Variants in CDON observed in about 807,000 individuals in gnomAD.
CDON encodes cell adhesion associated, oncogene regulated, also known as cell adhesion molecule-related/down-regulated by oncogenes.
A neutral mutation model predicts 120.9 loss-of-function variants in CDON; 73 were observed. That is an observed-to-expected ratio of 0.60 (90% CI 0.50 to 0.73). The LOEUF is 0.73. Among genes scored for constraint, CDON ranks in the 30% least tolerant of loss-of-function variants. The pLI, the probability that CDON is intolerant of heterozygous loss-of-function variation, is 0.00. For missense variants in CDON, 1,470 were observed against 1,587.3 expected (o/e 0.93, Z 1.26); for synonymous variants, 566 against 573.5 (o/e 0.99, Z 0.19).
chr11:125,981,970 C>CTTTTT (rs61446837), intron 16 of CDON, among the ~76,000 whole-genome samples: 2,367 of 54,272 alleles, frequency 0.044, 541 homozygotes, highest in East Asian at 0.063. Context: ...ATTCTATTTT[C>CTTTTT]TTTTTTTTTT....
chr11:126,049,262 T>C (rs925197061), intron 1 of CDON, among the ~76,000 whole-genome samples: 1 of 152,176 alleles, frequency 6.6e-6, no homozygotes, highest in African/African-American at 2.4e-5. Flanking sequence ...ACAAGCATCA[T>C]CAATCATTAA....
At chr11:126,015,215 A>G (rs755472193) in intron 7 of CDON, 26 bp downstream of exon 7, 2 of 1,611,276 alleles carry the variant, frequency 1.2e-6, no homozygotes, top group Non-Finnish European at 1.7e-6. Flanking sequence ...AAAAGTTCTT[A>G]TGACTGGCAC....
rs1258827477 is a variant in CDON, at chr11:125,961,951, A to T, written c.3404T>A (p.Val1135Glu). The T allele has an allele frequency of 1.9e-6, 3 of 1,614,112 alleles. No homozygotes were observed. In the African/African-American group the frequency reaches 4.0e-5, roughly 22 times the overall value. Reference protein sequence around the residue: ...NSTFSSSPPPVVPVVAPYPQD... With the variant: ...NSTFSSSPPPEVPVVAPYPQD... The stretch of plus-strand genomic sequence containing the variant: ...AGGATAAGGTGCTACCACAGGGACC[A>T]CAGGAGGAGGGCTGCTGCTGAAAGT... The change falls in exon 19 of 20, where the codon GTG becomes GAG. Residue 1135 changes from valine (V) to glutamate (E), a missense_variant. Transcript: ENST00000531738.
chr11:126,003,858 A>T, intron 10 of CDON, 44 bp downstream of exon 10: 1 of 1,541,284 alleles, frequency 6.5e-7, no homozygotes, highest in Non-Finnish European at 9.0e-7. Flanking sequence ...ATAAATTGAC[A>T]TCAGGGCAGC....
At chr11:126,010,821 GT>G (rs1851902624) in intron 7 of CDON, 127 bp from the exon 8 acceptor site, 2 of 753,868 alleles carry the variant, frequency 2.7e-6, no homozygotes, top group Admixed American at 2.0e-5. Context: ...CTCCTTATTA[GT>G]TCCCTTCTCA....
chr11:126,028,387 A>C (rs1947852541), intron 1 of CDON, among the ~76,000 whole-genome samples: 1 of 150,248 alleles, frequency 6.7e-6, no homozygotes, highest in South Asian at 2.1e-4. Flanking sequence ...TTTTTTTGAG[A>C]TGGAATCTTG....
At chr11:125,997,431 T>G (rs1442281580) in intron 11 of CDON, 21 bp from the exon 12 acceptor site, 1 of 1,533,864 alleles carries the variant, frequency 6.5e-7, no homozygotes, top group Non-Finnish European at 9.0e-7. Flanking sequence ...AAACGTTCAT[T>G]TCAATAACCC....
intron 3 of CDON, among the ~76,000 whole-genome samples, chr11:126,020,245 A>G (rs966341021): frequency 6.6e-6 from 1 of 152,140 alleles, no homozygotes; most frequent in Admixed American, 6.5e-5. Context: ...TTTTCAATCC[A>G]GTGCCCCATC....
intron 10 of CDON, among the ~76,000 whole-genome samples, chr11:126,002,251 T>C (rs1480039787): frequency 6.6e-6 from 1 of 152,212 alleles, no homozygotes; most frequent in Admixed American, 6.5e-5. Flanking sequence ...CACATTGTTT[T>C]AATATTTCAA....
chr11:126,055,852 C>T (rs7945362), intron 1 of CDON, among the ~76,000 whole-genome samples: 33,527 of 152,026 alleles, frequency 0.22, 4,089 homozygotes, highest in African/African-American at 0.3. Context: ...AAAGAATACC[C>T]GACATTTACT....
In CDON at chr11:126,051,043, T is replaced by G. The variant is rs540722605; in HGVS notation, c.-62+11536A>C. On this transcript the variant is annotated intron_variant, in intron 1 of 19. Transcript: ENST00000531738. ...TTTTTTTTTTTCCAGAAAACTCACA[T>G]TTCAACATGAAGGAAAAAAAATCCT... 2.6e-5 allele frequency among the ~76,000 whole-genome samples: 4 copies of G among 152,206 alleles called. No homozygotes were observed. In the South Asian group the frequency reaches 8.3e-4, roughly 32 times the overall value.
intron 1 of CDON, among the ~76,000 whole-genome samples, chr11:126,033,681 G>A (rs933558507): frequency 1.3e-5 from 2 of 152,030 alleles, no homozygotes; most frequent in Admixed American, 6.6e-5. Flanking sequence ...CTTACTAAAG[G>A]CTTTGATTAG....
chr11:126,042,452 T>C (rs1948286920), intron 1 of CDON, among the ~76,000 whole-genome samples: 1 of 152,192 alleles, frequency 6.6e-6, no homozygotes, highest in South Asian at 2.1e-4. Context: ...CCCCAGCCTC[T>C]TTCTTCCACA....
chr11:125,972,152 G>A (rs574331863), intron 18 of CDON, among the ~76,000 whole-genome samples: 6 of 152,282 alleles, frequency 3.9e-5, no homozygotes, highest in African/African-American at 7.2e-5. Context: ...GGGGTCAGGC[G>A]CGGTAGCTCG....
intron 2 of CDON, 68 bp from the exon 3 acceptor site, chr11:126,021,588 A>C: frequency 1.5e-6 from 2 of 1,295,290 alleles, no homozygotes; most frequent in Non-Finnish European, 2.2e-6. Flanking sequence ...AGAAGATTAC[A>C]TTAAACACAT....
chr11:125,993,729 T>C (rs564730329), intron 14 of CDON, among the ~76,000 whole-genome samples: 161 of 152,310 alleles, frequency 1.1e-3, no homozygotes, highest in African/African-American at 3.6e-3. Flanking sequence ...AGACGTGGTG[T>C]AGGCAGGGGC....
intron 1 of CDON, among the ~76,000 whole-genome samples, chr11:126,024,206 T>C (rs190899805): frequency 1.3e-5 from 2 of 152,322 alleles, no homozygotes. Context: ...TTGAAGGCCA[T>C]GGTAAAGATC....
intron 1 of CDON, among the ~76,000 whole-genome samples, chr11:126,050,495 AACACACACAC>A (rs10643446): frequency 2.2e-3 from 321 of 143,102 alleles, no homozygotes; most frequent in South Asian, 5.9e-3. Context: ...GTAAGTAGCA[AACACACACAC>A]ACACACACAC....
At chr11:126,004,314 G>T in intron 9 of CDON, 1 of 531,764 alleles carries the variant, frequency 1.9e-6, no homozygotes. Flanking sequence ...GACCACTAAT[G>T]TGTGGCCTCA....
Sources: gnomAD v4.1 joint callset for allele counts (sites outside exome capture counted in the v4.1 genomes callset) on GRCh38, gnomAD v4.1.1 for gene constraint, MANE v1.5 for transcripts, NCBI Gene and HGNC (gene_info 2026-07-23, HGNC 2026-07-21) for gene names.